Variants in MKX observed in about 807,000 individuals in gnomAD.
The protein encoded by MKX is homeobox protein Mohawk.
In MKX, 13 loss-of-function variants were observed where a neutral mutation model predicts 36.0. The observed-to-expected ratio is 0.36, with a 90% CI of 0.24 to 0.57. The LOEUF is 0.57. Among genes scored for constraint, MKX ranks in the 20% least tolerant of loss-of-function variants. The pLI, the probability that MKX is intolerant of heterozygous loss-of-function variation, is 0.79. For missense variants in MKX, 458 were observed against 456.4 expected (o/e 1.00, Z -0.03); for synonymous variants, 176 against 178.3 (o/e 0.99, Z 0.10).
At chr10:27,718,703 T>C (rs1405457063) in intron 5 of MKX, 2 of 193,852 alleles carry the variant, frequency 1.0e-5, no homozygotes, top group Non-Finnish European at 2.2e-5. Context: ...ACAGTACAGA[T>C]TAGGTGCACA....
intron 5 of MKX, among the ~76,000 whole-genome samples, chr10:27,679,128 G>T (rs543082744): frequency 6.6e-6 from 1 of 152,130 alleles, no homozygotes; most frequent in Non-Finnish European, 1.5e-5. Context: ...TCGGGAGGTG[G>T]GGGGCTGGGG....
At chr10:27,725,724 G>A (rs1834473595) in intron 5 of MKX, among the ~76,000 whole-genome samples, 1 of 151,032 alleles carries the variant, frequency 6.6e-6, no homozygotes, top group African/African-American at 2.4e-5. Context: ...TCATTAATTA[G>A]AATGTCTTGT....
intron 5 of MKX, among the ~76,000 whole-genome samples, chr10:27,692,665 CAT>C (rs1427175561): frequency 2.0e-5 from 3 of 152,330 alleles, no homozygotes; most frequent in South Asian, 2.1e-4. Flanking sequence ...TTCAACCTAA[CAT>C]AGAATTTCTT....
At chr10:27,695,841 G>A (rs1836544366) in intron 5 of MKX, among the ~76,000 whole-genome samples, 1 of 152,200 alleles carries the variant, frequency 6.6e-6, no homozygotes. Context: ...AAGAAGAAAA[G>A]GGTAATGAGA....
intron 5 of MKX, among the ~76,000 whole-genome samples, chr10:27,733,725 T>C (rs761978673): frequency 2.0e-5 from 3 of 152,248 alleles, no homozygotes; most frequent in Non-Finnish European, 2.9e-5. Context: ...CATACACTTC[T>C]TAAGAGCAAA....
At position 27,711,499 on chromosome 10, in the gene MKX, T is replaced by TCTCTCCCTTCCTTCC. The variant is rs1554772224; in HGVS notation, c.838+22956_838+22957insGGAAGGAAGGGAGAG. ...TCTTTCTTTCTCTCTCTCTCTCTTCTTTCCTTCCTTCCTTCCTTCCTTCCT... is the reference window on the plus strand; with the variant it reads ...TCTTTCTTTCTCTCTCTCTCTCTTCTCTCTCCCTTCCTTCCTTCCTTCCTTCCTTCCTTCCTTCCT... On this transcript the variant is annotated intron_variant, in intron 5 of 6. Transcript: ENST00000419761. Among the ~76,000 whole-genome samples, 263 of 93,044 alleles carry TCTCTCCCTTCCTTCC rather than the reference T, an allele frequency of 2.8e-3. 8 individuals carry two copies. Among genetic ancestry groups the TCTCTCCCTTCCTTCC allele is most frequent in the African/African-American group, 0.013 (251 of 19,282 alleles). 61.0% of individuals were successfully genotyped at this position (93,044 alleles called of 152,430 possible).
In MKX at chr10:27,743,338, A is replaced by G; in HGVS notation, c.78T>C (p.Gly26=). The G allele has an allele frequency of 6.3e-7, 1 of 1,582,750 alleles. No individual in the cohort carries two copies. The highest frequency in any genetic ancestry group is 8.6e-7 in the Non-Finnish European group (1 of 1,167,552). Residue 26 remains glycine, a synonymous_variant, in exon 2 of 7, where the codon GGT becomes GGC. Transcript: ENST00000419761. ...CCAGGACACCGCTGTAGGGCCGGCCACCCCGCTCCCGCTCCGAGGCGCCTC... is the reference window on the plus strand; with the variant it reads ...CCAGGACACCGCTGTAGGGCCGGCCGCCCCGCTCCCGCTCCGAGGCGCCTC... ...EDGGASERER[G]GRPYSGVLDS...
At chr10:27,708,556 C>G (rs1325775819) in intron 5 of MKX, among the ~76,000 whole-genome samples, 2 of 151,972 alleles carry the variant, frequency 1.3e-5, no homozygotes, top group African/African-American at 4.8e-5. Flanking sequence ...ATGGTGAAAC[C>G]CCATCTCCTT....
intron 5 of MKX, among the ~76,000 whole-genome samples, chr10:27,713,162 A>G (rs573169563): frequency 6.6e-6 from 1 of 152,336 alleles, no homozygotes; most frequent in South Asian, 2.1e-4. Context: ...AATATACCAT[A>G]TGCTTAGAAG....
chr10:27,714,833 G>A (rs1836935188), intron 5 of MKX, among the ~76,000 whole-genome samples: 1 of 152,176 alleles, frequency 6.6e-6, no homozygotes, highest in Non-Finnish European at 1.5e-5. Flanking sequence ...TAAACCTTTT[G>A]TTTTTGGAAT....
At position 27,742,607 on chromosome 10, in the gene MKX, G is replaced by T; in HGVS notation, c.188+621C>A. On this transcript the variant is annotated intron_variant, in intron 2 of 6. Coordinates refer to ENST00000419761, the MANE Select transcript of MKX (RefSeq NM_173576.3). This position sits in a 1 kb window ranked among gnomAD's most constrained non-coding sequence, Gnocchi z 4.2. ...GGCAGTCTGAGCAGCTGGCCCACCCGCAAGCTACCGCCCCCCCCAGCATAC... is the reference window on the plus strand; with the variant it reads ...GGCAGTCTGAGCAGCTGGCCCACCCTCAAGCTACCGCCCCCCCCAGCATAC... Among the ~76,000 whole-genome samples the T allele has an allele frequency of 6.6e-6, 1 of 151,016 alleles. No homozygotes were observed. Among genetic ancestry groups the T allele is most frequent in the South Asian group, 2.1e-4 (1 of 4,806 alleles).
In MKX at chr10:27,675,566, A is replaced by G. The variant is rs1209239974; in HGVS notation, c.839-12T>C. 6.2e-7 allele frequency: 1 copy of G among 1,612,400 alleles called. No individual in the cohort carries two copies. The highest frequency in any genetic ancestry group is 8.5e-7 in the Non-Finnish European group (1 of 1,179,228). On this transcript the variant is annotated splice_polypyrimidine_tract_variant and intron_variant, in intron 5 of 6. Transcript: ENST00000419761. The stretch of plus-strand genomic sequence containing the variant: ...GTTTTCCAGAGTGTCTGTAAAGAAA[A>G]GCAAAAATTCAATTATTTTTATGTT...
chr10:27,693,334 A>G (rs1836488472), intron 5 of MKX, among the ~76,000 whole-genome samples: 1 of 152,182 alleles, frequency 6.6e-6, no homozygotes, highest in African/African-American at 2.4e-5. Context: ...GAAGTGTAAT[A>G]TGCAGGAGAG....
At position 27,735,254 on chromosome 10, in the gene MKX, G is replaced by T; in HGVS notation, c.469C>A (p.Leu157Ile). The T allele has an allele frequency of 6.2e-7, 1 of 1,610,368 alleles. No homozygotes were observed. The highest frequency in any genetic ancestry group is 1.1e-5 in the South Asian group (1 of 90,266). The change falls in exon 4 of 7, where the codon CTT becomes ATT. Residue 157 changes from leucine (L) to isoleucine (I), a missense_variant. By Grantham distance (5) the Leu-to-Ile change is conservative (BLOSUM62 2). Around this residue, in one of 3 missense-constraint regions of MKX, gnomAD observed 297 missense variants for 304.4 expected, o/e 0.98. Transcript: ENST00000419761. Reference sequence around the variant, plus strand: ...CATGAGTCATCACTGCTTACGCTAAGCCGTTCAGCATTGCCTTGAACATAC... The same window carrying T: ...CATGAGTCATCACTGCTTACGCTAATCCGTTCAGCATTGCCTTGAACATAC... ...NKYVQGNAER[L>I]SVSSDDSCSE...
At chr10:27,679,991 T>C (rs570389254) in intron 5 of MKX, among the ~76,000 whole-genome samples, 2 of 151,870 alleles carry the variant, frequency 1.3e-5, no homozygotes, top group Admixed American at 1.3e-4. Context: ...TGCTGACAGG[T>C]GGTCTCACCG....
intron 5 of MKX, among the ~76,000 whole-genome samples, chr10:27,700,690 C>T (rs1589667026): frequency 1.3e-5 from 2 of 152,156 alleles, no homozygotes; most frequent in South Asian, 4.2e-4. Context: ...CCCTAGTGAT[C>T]GATCAATAAA....
intron 5 of MKX, among the ~76,000 whole-genome samples, chr10:27,706,288 G>A (rs1032510144): frequency 7.2e-5 from 11 of 151,842 alleles, no homozygotes; most frequent in Non-Finnish European, 1.5e-4. Context: ...TCTGTCGATG[G>A]ACAACTGGGC....
intron 5 of MKX, among the ~76,000 whole-genome samples, chr10:27,687,961 T>A (rs1836388269): frequency 6.6e-6 from 1 of 152,210 alleles, no homozygotes; most frequent in African/African-American, 2.4e-5. Context: ...GAGTCCAGAC[T>A]CTAGACCTAG....
intron 5 of MKX, among the ~76,000 whole-genome samples, chr10:27,725,265 T>C (rs750835561): frequency 6.6e-6 from 1 of 152,192 alleles, no homozygotes; most frequent in Admixed American, 6.5e-5. Flanking sequence ...TATTTACTTC[T>C]TTAGTACAAT....
Sources: gnomAD v4.1 joint callset for allele counts (sites outside exome capture counted in the v4.1 genomes callset) on GRCh38, gnomAD v4.1.1 for gene constraint, gnomAD v4.1.1 regional missense constraint, Gnocchi (gnomAD v3.1) non-coding constraint, MANE v1.5 for transcripts, NCBI Gene and HGNC (gene_info 2026-07-23, HGNC 2026-07-21) for gene names.